SLC35A3: variants seen among roughly 807,000 people sequenced by gnomAD.
The protein encoded by SLC35A3 is UDP-N-acetylglucosamine transporter.
SLC35A3 carries 26 observed loss-of-function variants against 39.0 expected under a neutral mutation model. That is an observed-to-expected ratio of 0.67 (90% CI 0.49 to 0.92). The LOEUF (loss-of-function observed/expected upper bound fraction) is 0.92. Among genes scored for constraint, SLC35A3 ranks in the 40% least tolerant of loss-of-function variants. The pLI, the probability that SLC35A3 is intolerant of heterozygous loss-of-function variation, is 0.00. For missense variants in SLC35A3, 299 were observed against 371.6 expected (o/e 0.80, Z 1.61); for synonymous variants, 135 against 133.1 (o/e 1.01, Z -0.10).
chr1:100,017,372 G>C (rs111506183), intron 6 of SLC35A3, among the ~76,000 whole-genome samples: 7 of 152,114 alleles, frequency 4.6e-5, no homozygotes, highest in Admixed American at 2.0e-4. Context: ...TCTTACATTT[G>C]TCCAAACAAG....
intron 5 of SLC35A3, among the ~76,000 whole-genome samples, chr1:100,014,985 C>T (rs560524934): frequency 1.5e-4 from 23 of 151,900 alleles, no homozygotes; most frequent in African/African-American, 4.6e-4. Flanking sequence ...AGTGAAACCC[C>T]GTCTCTACTA....
chr1:100,004,026 G>C (rs1659019809), intron 3 of SLC35A3, among the ~76,000 whole-genome samples: 1 of 152,132 alleles, frequency 6.6e-6, no homozygotes, highest in South Asian at 2.1e-4. Flanking sequence ...TGCATTTCTT[G>C]TAGGTAGTGT....
At position 100,025,050 on chromosome 1, in the gene SLC35A3, T is replaced by C; in HGVS notation, c.*2574T>C. On this transcript the variant is annotated 3_prime_UTR_variant, in exon 8 of 8. Coordinates refer to ENST00000533028, the MANE Select transcript of SLC35A3 (RefSeq NM_012243.3). Reference sequence around the variant, plus strand: ...TCTTTAAAATCACTTTGGTGGTGATTCCAAATTGGTACCAAGCAAACTTTC... The same window carrying C: ...TCTTTAAAATCACTTTGGTGGTGATCCCAAATTGGTACCAAGCAAACTTTC... 1 of 195,088 alleles carries C rather than the reference T, an allele frequency of 5.1e-6. No individual in the cohort carries two copies. The highest frequency in any genetic ancestry group is 1.0e-5 in the Non-Finnish European group (1 of 97,350). 12.1% of individuals were successfully genotyped at this position (195,088 alleles called of 1,614,324 possible).
At chr1:99,989,497 C>T (rs1054834385) in intron 1 of SLC35A3, among the ~76,000 whole-genome samples, 10 of 151,938 alleles carry the variant, frequency 6.6e-5, no homozygotes, top group South Asian at 2.1e-4. Flanking sequence ...TTGGCCAGGC[C>T]GCTCTTGAAC....
intron 5 of SLC35A3, among the ~76,000 whole-genome samples, chr1:100,014,517 C>G (rs978406389): frequency 6.6e-6 from 1 of 152,252 alleles, no homozygotes; most frequent in East Asian, 1.9e-4. Flanking sequence ...CCACTGTGCC[C>G]ACTCTCAAAA....
intron 2 of SLC35A3, among the ~76,000 whole-genome samples, chr1:99,995,576 T>G (rs1440139621): frequency 6.6e-6 from 1 of 152,150 alleles, no homozygotes; most frequent in Non-Finnish European, 1.5e-5. Flanking sequence ...GATTAAACTA[T>G]TGGGTGAATG....
rs747536139 is a variant in SLC35A3, at chr1:100,017,752, CTT to C, written c.826_827del (p.Leu276IlefsTer39). 32 of 1,576,106 alleles carry C rather than the reference CTT, an allele frequency of 2.0e-5. No homozygotes were observed. Among genetic ancestry groups the C allele is most frequent in the Non-Finnish European group, 2.7e-5 (31 of 1,160,438 alleles). On this transcript the variant is annotated frameshift_variant, in exon 7 of 8. Coordinates refer to ENST00000533028, the MANE Select transcript of SLC35A3 (RefSeq NM_012243.3). LOFTEE classifies it high-confidence loss of function. ...AATATTTTAAAAGGATTTGCAACCTCTTTATCGATAATATTATCAACATTGAT... is the reference window on the plus strand; with the variant it reads ...AATATTTTAAAAGGATTTGCAACCTCTATCGATAATATTATCAACATTGAT...
In SLC35A3 at chr1:100,033,387, C is replaced by T. The variant is rs917906573; in HGVS notation, c.*10911C>T. The T allele has an allele frequency of 1.1e-4, 17 of 148,010 alleles. No individual in the cohort carries two copies. The highest frequency in any genetic ancestry group is 2.4e-4 in the Non-Finnish European group (16 of 65,954). 9.2% of individuals were successfully genotyped at this position (148,010 alleles called of 1,614,324 possible). ...GTCATACCTATCCCTCCATTCCTAA[C>T]CATCTCTTATAAGTAATTATTATCC... is the stretch of plus-strand genomic sequence containing the variant. On this transcript the variant is annotated 3_prime_UTR_variant, in exon 8 of 8. Transcript: ENST00000533028.
chr1:100,005,109 G>A (rs142789523), intron 3 of SLC35A3, among the ~76,000 whole-genome samples: 1,600 of 152,210 alleles, frequency 0.011, 15 homozygotes, highest in Middle Eastern at 0.058. Context: ...TTATCTGGCA[G>A]TTTTTCTTTC....
At chr1:99,977,327 G>A (rs1186525736) in intron 1 of SLC35A3, among the ~76,000 whole-genome samples, 2 of 141,394 alleles carry the variant, frequency 1.4e-5, no homozygotes, top group Non-Finnish European at 3.0e-5. Flanking sequence ...AGAACAGCCT[G>A]ACGAACATCG....
intron 1 of SLC35A3, among the ~76,000 whole-genome samples, chr1:99,979,354 C>A (rs914853133): frequency 1.3e-5 from 2 of 151,954 alleles, no homozygotes; most frequent in African/African-American, 4.8e-5. Context: ...TATCACAGGA[C>A]AGCATTATCA....
In SLC35A3 at chr1:100,015,785, T is replaced by C. The variant is rs183523102; in HGVS notation, c.753+365T>C. 5.8e-4 allele frequency: 123 copies of C among 210,270 alleles called. No homozygotes were observed. In the Middle Eastern group the frequency reaches 6.5e-3, roughly 11 times the overall value. 13.0% of individuals were successfully genotyped at this position (210,270 alleles called of 1,614,324 possible). A position where few individuals can be genotyped will look rare whatever the true frequency, so the allele number is the denominator to read the frequency against. On this transcript the variant is annotated intron_variant, in intron 6 of 7. Transcript: ENST00000533028. Reference sequence around the variant, plus strand: ...AAGCAGATCTAGATATTTAATTCTGTGACAGTTCATAGCCTCATATTGTAG... The same window carrying C: ...AAGCAGATCTAGATATTTAATTCTGCGACAGTTCATAGCCTCATATTGTAG...
intron 1 of SLC35A3, among the ~76,000 whole-genome samples, chr1:99,982,152 G>A (rs138660408): frequency 0.059 from 8,967 of 151,706 alleles, 345 homozygotes; most frequent in African/African-American, 0.1. Context: ...TTACAGGTGC[G>A]CACCACCATG....
chr1:99,975,715 T>C (rs1439316291), intron 1 of SLC35A3, among the ~76,000 whole-genome samples: 1 of 152,176 alleles, frequency 6.6e-6, no homozygotes, highest in East Asian at 1.9e-4. Flanking sequence ...AGGGCTGTTT[T>C]ATGTGAAGGA....
chr1:100,011,557 A>G (rs751046518), intron 5 of SLC35A3, 24 bp downstream of exon 5: 23 of 963,676 alleles, frequency 2.4e-5, no homozygotes, highest in Non-Finnish European at 3.2e-5. Context: ...GTTTTCTAAT[A>G]TTATTTTAAA....
chr1:99,986,249 C>T (rs1657735129), intron 1 of SLC35A3, among the ~76,000 whole-genome samples: 1 of 149,720 alleles, frequency 6.7e-6, no homozygotes, highest in East Asian at 2.0e-4. Flanking sequence ...ACTGCAGCCT[C>T]GACCTCCCGA....
rs1660678821 is a variant in SLC35A3 at position 100,023,317 on chromosome 1, A to G, written c.*841A>G. 6.6e-6 allele frequency: 1 copy of G among 152,148 alleles called. No individual in the cohort carries two copies. The highest frequency in any genetic ancestry group is 2.1e-4 in the South Asian group (1 of 4,836). The allele number at this position is 152,148 out of a possible 1,614,324, so 9.4% of individuals were successfully genotyped here. A position where few individuals can be genotyped will look rare whatever the true frequency, so the allele number is the denominator to read the frequency against. ...GTGTAATTGCCATTAAATTTTCAAA[A>G]TGTAATTTAAAAGGATTAAATACTC... On this transcript the variant is annotated 3_prime_UTR_variant, in exon 8 of 8. Coordinates refer to ENST00000533028, the MANE Select transcript of SLC35A3 (RefSeq NM_012243.3).
intron 6 of SLC35A3, 103 bp from the exon 7 acceptor site, chr1:100,017,579 T>A: frequency 1.4e-6 from 1 of 702,330 alleles, no homozygotes; most frequent in Non-Finnish European, 2.2e-6. Context: ...TATAATGGGA[T>A]TGAATTTATG....
At chr1:99,997,792 T>C (rs914621233) in intron 2 of SLC35A3, among the ~76,000 whole-genome samples, 34 of 152,154 alleles carry the variant, frequency 2.2e-4, no homozygotes, top group African/African-American at 7.5e-4. Context: ...TCCTGCTATC[T>C]CTTTGATAAT....
Sources: allele counts gnomAD v4.1 joint callset (sites outside exome capture counted in the v4.1 genomes callset), GRCh38; gene constraint gnomAD v4.1.1; transcripts MANE v1.5; gene names NCBI Gene and HGNC (gene_info 2026-07-23, HGNC 2026-07-21).